ZFPM2: variants seen among roughly 807,000 people sequenced by gnomAD.
The protein encoded by ZFPM2 is zinc finger protein ZFPM2.
A neutral mutation model predicts 98.6 loss-of-function variants in ZFPM2; 20 were observed. The observed-to-expected ratio is 0.20, with a 90% CI of 0.14 to 0.29. The LOEUF (loss-of-function observed/expected upper bound fraction) is 0.29. ZFPM2 is among the 10% of genes least tolerant of loss of function. ZFPM2 has a pLI of 1.00. For missense variants in ZFPM2, 1,310 were observed against 1,388.6 expected (o/e 0.94, Z 0.90); for synonymous variants, 518 against 502.7 (o/e 1.03, Z -0.41).
chr8:105,682,015 A>C (rs1810617188), intron 5 of ZFPM2, among the ~76,000 whole-genome samples: 1 of 152,196 alleles, frequency 6.6e-6, no homozygotes, highest in Non-Finnish European at 1.5e-5. Context: ...AAATTAAATA[A>C]ATGACTAAGT....
chr8:105,661,023 G>A (rs1817378144), intron 5 of ZFPM2, among the ~76,000 whole-genome samples: 1 of 152,134 alleles, frequency 6.6e-6, no homozygotes, highest in African/African-American at 2.4e-5. Context: ...AAAGGTGCAT[G>A]GGGACATGTG....
intron 1 of ZFPM2, among the ~76,000 whole-genome samples, chr8:105,346,409 A>T (rs1032804930): frequency 2.6e-5 from 4 of 151,926 alleles, no homozygotes; most frequent in African/African-American, 9.7e-5. Flanking sequence ...ATAAATAAAT[A>T]ATAAAATAAG....
chr8:105,704,910 T>A (rs1419444867), intron 5 of ZFPM2, among the ~76,000 whole-genome samples: 1 of 152,164 alleles, frequency 6.6e-6, no homozygotes, highest in Non-Finnish European at 1.5e-5. Context: ...TAAATTCTCC[T>A]CTAGTCAGTT....
intron 4 of ZFPM2, among the ~76,000 whole-genome samples, chr8:105,600,559 T>A: frequency 6.6e-6 from 1 of 152,140 alleles, no homozygotes; most frequent in South Asian, 2.1e-4. Flanking sequence ...TTTGCTAACT[T>A]ATTTTTATTT....
intron 5 of ZFPM2, among the ~76,000 whole-genome samples, chr8:105,719,390 G>A (rs1811601481): frequency 1.3e-5 from 2 of 151,732 alleles, no homozygotes; most frequent in South Asian, 4.1e-4. Context: ...ACCACAGTTT[G>A]GTGCTGAATA....
chr8:105,533,968 C>T (rs1486203066), intron 3 of ZFPM2, among the ~76,000 whole-genome samples: 3 of 32,188 alleles, frequency 9.3e-5, no homozygotes, highest in Admixed American at 2.6e-4. Flanking sequence ...CCCTCCCTCC[C>T]TCTCCTCCCT....
intron 1 of ZFPM2, among the ~76,000 whole-genome samples, chr8:105,359,327 C>T (rs1410668041): frequency 6.6e-6 from 1 of 151,832 alleles, no homozygotes; most frequent in African/African-American, 2.4e-5. Context: ...GTAAATTACC[C>T]ACTCTCGGGT....
At chr8:105,497,824 T>G (rs959893217) in intron 3 of ZFPM2, among the ~76,000 whole-genome samples, 3 of 152,116 alleles carry the variant, frequency 2.0e-5, no homozygotes, top group Non-Finnish European at 4.4e-5. Flanking sequence ...CATTTCACTA[T>G]TCCATATTGG....
chr8:105,619,202 G>A (rs1339203698), intron 4 of ZFPM2, among the ~76,000 whole-genome samples: 5 of 151,944 alleles, frequency 3.3e-5, no homozygotes, highest in African/African-American at 7.2e-5. Flanking sequence ...TCTGTTAACC[G>A]CTTCTTATCT....
rs1810903045 is a variant in ZFPM2, at chr8:105,382,222, A to C, written c.41-36922A>C. On this transcript the variant is annotated intron_variant, in intron 1 of 7. Coordinates refer to ENST00000407775, the MANE Select transcript of ZFPM2 (RefSeq NM_012082.4). ...TTATTTCTATCTGGTCAATAGTATG[A>C]TTTCCTGACACCATCCTTCTGTGTA... 2.0e-5 allele frequency among the ~76,000 whole-genome samples: 3 copies of C among 152,148 alleles called. No individual in the cohort carries two copies. In the South Asian group the frequency reaches 6.2e-4, roughly 31 times the overall value.
At chr8:105,380,746 A>G (rs1810852865) in intron 1 of ZFPM2, among the ~76,000 whole-genome samples, 2 of 39,736 alleles carry the variant, frequency 5.0e-5, no homozygotes, top group Admixed American at 5.1e-4. Flanking sequence ...TTATATATAT[A>G]TGTTATATAT....
intron 3 of ZFPM2, among the ~76,000 whole-genome samples, chr8:105,552,669 A>ATTCATAT (rs1366294208): frequency 6.6e-6 from 1 of 151,964 alleles, no homozygotes; most frequent in Non-Finnish European, 1.5e-5. Context: ...TTGTTCATAT[A>ATTCATAT]AAAAGACTTT....
chr8:105,633,452 T>C (rs1358281104), intron 4 of ZFPM2, among the ~76,000 whole-genome samples: 1 of 152,218 alleles, frequency 6.6e-6, no homozygotes, highest in East Asian at 1.9e-4. Context: ...TCCAGCCATG[T>C]AAATTTATCC....
At chr8:105,376,850 T>A (rs1485258592) in intron 1 of ZFPM2, among the ~76,000 whole-genome samples, 1 of 152,202 alleles carries the variant, frequency 6.6e-6, no homozygotes, top group Non-Finnish European at 1.5e-5. Context: ...ATCCTGGGTA[T>A]AGCAGATAAA....
At chr8:105,553,871 A>G (rs902448617) in intron 3 of ZFPM2, among the ~76,000 whole-genome samples, 3 of 152,128 alleles carry the variant, frequency 2.0e-5, no homozygotes, top group Non-Finnish European at 2.9e-5. Flanking sequence ...AGTTGTCAGC[A>G]GGATAAGTTC....
chr8:105,458,786 GCT>G (rs779698197), intron 3 of ZFPM2, among the ~76,000 whole-genome samples: 25 of 151,828 alleles, frequency 1.6e-4, no homozygotes, highest in Non-Finnish European at 3.4e-4. Context: ...CAGAGTCTTT[GCT>G]CTTTCAGTTC....
chr8:105,664,321 T>TTG (rs148523592), intron 5 of ZFPM2, among the ~76,000 whole-genome samples: 12,321 of 144,486 alleles, frequency 0.085, 573 homozygotes, highest in African/African-American at 0.12. Flanking sequence ...CATAAAATTC[T>TTG]TGTGTGTGTG....
chr8:105,360,580 A>G (rs1025222052), intron 1 of ZFPM2, among the ~76,000 whole-genome samples: 1 of 151,012 alleles, frequency 6.6e-6, no homozygotes, highest in African/African-American at 2.4e-5. Flanking sequence ...CCACTAACTC[A>G]TCATCTAGCA....
intron 5 of ZFPM2, among the ~76,000 whole-genome samples, chr8:105,724,674 GTCTTTACA>G (rs1811763198): frequency 6.6e-6 from 1 of 151,700 alleles, no homozygotes; most frequent in Non-Finnish European, 1.5e-5. Flanking sequence ...TTATTACTGC[GTCTTTACA>G]TTTGTTTAAA....
Sources: gnomAD v4.1 joint callset for allele counts (sites outside exome capture counted in the v4.1 genomes callset) on GRCh38, gnomAD v4.1.1 for gene constraint, MANE v1.5 for transcripts, NCBI Gene and HGNC (gene_info 2026-07-23, HGNC 2026-07-21) for gene names.